The following FAM81A variants were observed in gnomAD, a reference collection of about 807,000 sequenced individuals.
FAM81A encodes family with sequence similarity 81 member A.
A neutral mutation model predicts 46.7 loss-of-function variants in FAM81A; 19 were observed. The ratio of observed to expected loss-of-function variants is 0.41; its 90% CI spans 0.28 to 0.60. FAM81A has a LOEUF of 0.60. Ranked by LOEUF, FAM81A falls within the 20% of genes least tolerant of loss-of-function variation. FAM81A has a pLI of 0.34. For synonymous variants in FAM81A, 183 were observed against 152.9 expected (o/e 1.20, Z -1.45); for missense variants, 377 against 453.5 (o/e 0.83, Z 1.53).
At chr15:59,439,384 GTGTGTA>G (rs769792378) in intron 1 of FAM81A, among the ~76,000 whole-genome samples, 31 of 151,446 alleles carry the variant, frequency 2.0e-4, no homozygotes, top group Admixed American at 9.9e-4. Flanking sequence ...GAATGCGCGT[GTGTGTA>G]TGTGTGTGTG....
chr15:59,506,372 G>C (rs1305369910), intron 4 of FAM81A, among the ~76,000 whole-genome samples: 5 of 152,028 alleles, frequency 3.3e-5, no homozygotes, highest in African/African-American at 1.2e-4. Context: ...GGGAGTCTGT[G>C]CTCTTGTAAC....
At chr15:59,512,879 C>A (rs940326366) in intron 6 of FAM81A, among the ~76,000 whole-genome samples, 1 of 152,182 alleles carries the variant, frequency 6.6e-6, no homozygotes, top group East Asian at 1.9e-4. Context: ...GTGCTTATGA[C>A]TTTGATGCAT....
At chr15:59,487,645 G>A (rs2081934185) in intron 3 of FAM81A, among the ~76,000 whole-genome samples, 1 of 151,896 alleles carries the variant, frequency 6.6e-6, no homozygotes, top group Admixed American at 6.6e-5. Flanking sequence ...CAAAAAACTA[G>A]AAAACCTAGA....
At chr15:59,508,653 T>G (rs1468699593) in intron 5 of FAM81A, among the ~76,000 whole-genome samples, 3 of 152,164 alleles carry the variant, frequency 2.0e-5, no homozygotes, top group African/African-American at 7.2e-5. Context: ...TAGTGCAGGA[T>G]GAATATTTTG....
intron 3 of FAM81A, among the ~76,000 whole-genome samples, chr15:59,466,654 GTTGCCTGTTC>G (rs1567056089): frequency 6.6e-6 from 1 of 152,134 alleles, no homozygotes; most frequent in African/African-American, 2.4e-5. Flanking sequence ...CATTCTGTAG[GTTGCCTGTTC>G]ACTCTGATGG....
intron 4 of FAM81A, among the ~76,000 whole-genome samples, chr15:59,502,685 T>C (rs1488686283): frequency 6.6e-6 from 1 of 151,944 alleles, no homozygotes; most frequent in Non-Finnish European, 1.5e-5. Context: ...GGCTAATTTT[T>C]GTATTTTTTA....
intron 8 of FAM81A, among the ~76,000 whole-genome samples, chr15:59,517,241 C>T (rs769126138): frequency 6.6e-6 from 1 of 152,160 alleles, no homozygotes; most frequent in Non-Finnish European, 1.5e-5. Context: ...TGATTTTCCT[C>T]TACTGGCAGG....
At chr15:59,458,525 A>T in intron 1 of FAM81A, 25 bp from the exon 2 acceptor site, 2 of 1,550,764 alleles carry the variant, frequency 1.3e-6, no homozygotes, top group South Asian at 1.1e-5. Flanking sequence ...ACTGTTAAAT[A>T]ATTTAGTGCT....
rs77432629 is a variant in FAM81A at position 59,486,756 on chromosome 15, A to G, written c.295-5515A>G. On this transcript the variant is annotated intron_variant, in intron 3 of 8. Transcript: ENST00000288228. ...AAAGTGCTGAAGGAAAAAAAAACTT[A>G]GCATAAAACCTACCATAGTGTATCT... 1.2e-3 allele frequency among the ~76,000 whole-genome samples: 177 copies of G among 152,306 alleles called. 7 individuals carry two copies. In the East Asian group the frequency reaches 0.03, roughly 25 times the overall value.
intron 6 of FAM81A, among the ~76,000 whole-genome samples, chr15:59,511,450 C>T (rs1021497986): frequency 2.0e-5 from 3 of 152,158 alleles, no homozygotes; most frequent in African/African-American, 7.2e-5. Context: ...CACGGGTTCA[C>T]ATCAGATATG....
chr15:59,422,084 A>G (rs971734600), intron 2 of FAM81A, among the ~76,000 whole-genome samples: 13 of 152,220 alleles, frequency 8.5e-5, no homozygotes, highest in African/African-American at 3.1e-4. Context: ...AAAATTAAGC[A>G]TTTTAAAGTA....
chr15:59,459,442 C>G (rs978122373), intron 2 of FAM81A, among the ~76,000 whole-genome samples: 1 of 152,148 alleles, frequency 6.6e-6, no homozygotes, highest in African/African-American at 2.4e-5. Flanking sequence ...ATGGGTGGAG[C>G]AGAACTGTGG....
intron 3 of FAM81A, among the ~76,000 whole-genome samples, chr15:59,489,266 A>AATAC (rs61067164): frequency 0.03 from 4,327 of 144,218 alleles, 71 homozygotes; most frequent in Middle Eastern, 0.05. Flanking sequence ...CTCCATCTCA[A>AATAC]ATACATACAT....
chr15:59,470,876 G>T (rs948522956), intron 3 of FAM81A, among the ~76,000 whole-genome samples: 1 of 151,996 alleles, frequency 6.6e-6, no homozygotes, highest in Non-Finnish European at 1.5e-5. Context: ...CTGGTATAGT[G>T]CAGTGGCTCT....
intron 3 of FAM81A, among the ~76,000 whole-genome samples, chr15:59,477,134 CAAAAACAAACA>C (rs1176939652): frequency 1.3e-5 from 2 of 148,696 alleles, no homozygotes; most frequent in East Asian, 1.9e-4. Context: ...AAAAAAAAAG[CAAAAACAAACA>C]GAAAACAAAA....
intron 2 of FAM81A, among the ~76,000 whole-genome samples, chr15:59,418,795 C>CA (rs1459754174): frequency 9.8e-6 from 1 of 102,002 alleles, no homozygotes; most frequent in East Asian, 3.9e-4. Context: ...ATTATCTGAG[C>CA]CCCAGTTTCC....
chr15:59,403,219 C>G (rs1812379737), intron 2 of FAM81A, among the ~76,000 whole-genome samples: 1 of 152,044 alleles, frequency 6.6e-6, no homozygotes, highest in Non-Finnish European at 1.5e-5. Flanking sequence ...GCTACCCCCC[C>G]ATCCCACACC....
intron 3 of FAM81A, among the ~76,000 whole-genome samples, chr15:59,465,514 C>T (rs969831561): frequency 1.3e-5 from 2 of 152,126 alleles, no homozygotes; most frequent in East Asian, 3.9e-4. Context: ...CTCAGGTGAT[C>T]CGCCCATCTC....
intron 5 of FAM81A, among the ~76,000 whole-genome samples, chr15:59,507,898 T>G (rs1421400987): frequency 1.3e-5 from 2 of 152,240 alleles, no homozygotes; most frequent in East Asian, 3.8e-4. Flanking sequence ...AAGTTTCCCT[T>G]TGCCATCATA....
Sources: allele counts gnomAD v4.1 joint callset (sites outside exome capture counted in the v4.1 genomes callset), GRCh38; gene constraint gnomAD v4.1.1; transcripts MANE v1.5; gene names NCBI Gene and HGNC (gene_info 2026-07-23, HGNC 2026-07-21).